MRTFB: variants seen among roughly 807,000 people sequenced by gnomAD.
MRTFB encodes myocardin related transcription factor B, also known as myocardin-related transcription factor B.
A neutral mutation model predicts 104.2 loss-of-function variants in MRTFB; 29 were observed. The ratio of observed to expected loss-of-function variants is 0.28; its 90% CI spans 0.21 to 0.38. The LOEUF is 0.38. Among genes scored for constraint, MRTFB ranks in the 10% least tolerant of loss-of-function variants. The pLI is 1.00. For missense variants in MRTFB, 1,270 were observed against 1,341.6 expected (o/e 0.95, Z 0.83); for synonymous variants, 535 against 519.5 (o/e 1.03, Z -0.41).
chr16:14,179,495 G>A (rs569874162), intron 3 of MRTFB, among the ~76,000 whole-genome samples: 25 of 152,078 alleles, frequency 1.6e-4, no homozygotes, highest in Non-Finnish European at 2.8e-4. Flanking sequence ...ATACATTTCC[G>A]TAAGGAGTTC....
intron 3 of MRTFB, among the ~76,000 whole-genome samples, chr16:14,155,375 TTATAG>T (rs2038791510): frequency 6.6e-6 from 1 of 152,230 alleles, no homozygotes; most frequent in African/African-American, 2.4e-5. Flanking sequence ...TTGTATATAG[TTATAG>T]TAGCTGTTAA....
In MRTFB at chr16:14,262,222, C is replaced by T. The variant is rs1347210796; in HGVS notation, c.*778C>T. On this transcript the variant is annotated 3_prime_UTR_variant, in exon 17 of 17. Coordinates refer to ENST00000571589, the MANE Select transcript of MRTFB (RefSeq NM_001308142.2). ...GATTGATTTTAATGTATATATTAGA[C>T]ATTTGTATGTATGCTCTGACATTGT... is the stretch of plus-strand genomic sequence containing the variant. The T allele has an allele frequency of 1.3e-5, 2 of 152,148 alleles. No homozygotes were observed. Among genetic ancestry groups the T allele is most frequent in the Non-Finnish European group, 2.9e-5 (2 of 68,042 alleles). The allele number at this position is 152,148 out of a possible 1,614,324, so 9.4% of individuals were successfully genotyped here.
the MRTFB span, among the ~76,000 whole-genome samples, chr16:13,998,915 G>A: frequency 0.29 from 32,739 of 113,554 alleles, 5,802 homozygotes; most frequent in South Asian, 0.47. Context: ...AAAAAAGGCC[G>A]GTCATGGGGG....
intron 3 of MRTFB, chr16:14,200,231 A>G: frequency 7.7e-7 from 1 of 1,300,536 alleles, no homozygotes; most frequent in Non-Finnish European, 1.1e-6. Flanking sequence ...TAGCTTAAGT[A>G]TATGAATAAT....
At chr16:14,082,580 C>T (rs1477809189) in intron 2 of MRTFB, among the ~76,000 whole-genome samples, 2 of 151,980 alleles carry the variant, frequency 1.3e-5, no homozygotes, top group East Asian at 1.9e-4. Flanking sequence ...ACCAGAAGTT[C>T]GAGACCAGCT....
At chr16:14,199,377 T>G (rs2040581507) in intron 3 of MRTFB, among the ~76,000 whole-genome samples, 2 of 152,228 alleles carry the variant, frequency 1.3e-5, no homozygotes, top group South Asian at 4.1e-4. Context: ...CAAACTCCTG[T>G]GGCTTCAAAT....
At chr16:14,071,424 C>T (rs1310186918) in intron 1 of MRTFB, 59 bp downstream of exon 1, 2 of 151,394 alleles carry the variant, frequency 1.3e-5, no homozygotes, top group Non-Finnish European at 2.9e-5. Context: ...CGGCCGAGAC[C>T]GAGGGCTGGG....
chr16:14,201,742 C>T (rs2151114958), intron 3 of MRTFB, among the ~76,000 whole-genome samples: 1 of 152,248 alleles, frequency 6.6e-6, no homozygotes, highest in East Asian at 1.9e-4. Flanking sequence ...GCATTATTCT[C>T]ATGTCATAAT....
intron 3 of MRTFB, among the ~76,000 whole-genome samples, chr16:14,175,472 A>G (rs1433082225): frequency 6.6e-6 from 1 of 152,184 alleles, no homozygotes; most frequent in Admixed American, 6.5e-5. Context: ...ATTCTCCTAT[A>G]TGCATTTACT....
At chr16:14,219,539 A>G (rs2041591241) in intron 8 of MRTFB, among the ~76,000 whole-genome samples, 1 of 152,226 alleles carries the variant, frequency 6.6e-6, no homozygotes, top group African/African-American at 2.4e-5. Flanking sequence ...TCAGCAGAAA[A>G]TGTTCTTGAT....
intron 3 of MRTFB, among the ~76,000 whole-genome samples, chr16:14,208,504 C>T (rs1323184012): frequency 6.6e-6 from 1 of 152,140 alleles, no homozygotes; most frequent in Non-Finnish European, 1.5e-5. Flanking sequence ...AAAGATTTTC[C>T]TGCTAGAGAT....
chr16:14,076,916 G>T (rs926216787), intron 1 of MRTFB, among the ~76,000 whole-genome samples: 11 of 151,430 alleles, frequency 7.3e-5, no homozygotes, highest in African/African-American at 2.7e-4. Flanking sequence ...GTGCCTAAAG[G>T]CTATTTGTAT....
chr16:14,219,135 T>A, intron 8 of MRTFB, 137 bp downstream of exon 8: 3 of 825,192 alleles, frequency 3.6e-6, no homozygotes, highest in Non-Finnish European at 5.2e-6. Flanking sequence ...AGCAGGCACT[T>A]AACTGCCCTC....
chr16:14,054,136 G>A, the MRTFB span, among the ~76,000 whole-genome samples: 38 of 152,186 alleles, frequency 2.5e-4, no homozygotes, highest in Admixed American at 3.9e-4. Flanking sequence ...AGGGCTTTGC[G>A]CGTGCTGTTC....
intron 5 of MRTFB, among the ~76,000 whole-genome samples, chr16:14,213,056 TAC>T (rs1463635898): frequency 1.3e-5 from 2 of 152,254 alleles, no homozygotes; most frequent in Non-Finnish European, 2.9e-5. Context: ...AATGATTTCT[TAC>T]AGTCTTATAA....
the MRTFB span, among the ~76,000 whole-genome samples, chr16:14,000,208 T>G: frequency 2.6e-5 from 4 of 152,244 alleles, no homozygotes; most frequent in Admixed American, 2.6e-4. Context: ...TTCTCTGGCT[T>G]CACAGTTATC....
chr16:14,093,961 A>G lies in MRTFB; in HGVS notation c.-64+14607A>G, dbSNP rs551530348. ...AATATAGCTTTTTCTATTTTCTGAAATGATTCTATTTTTTAAGAAGTAGTC... is the reference window on the plus strand; with the variant it reads ...AATATAGCTTTTTCTATTTTCTGAAGTGATTCTATTTTTTAAGAAGTAGTC... On this transcript the variant is annotated intron_variant, in intron 2 of 16. Transcript: ENST00000571589. Among the ~76,000 whole-genome samples, 26 of 152,354 alleles carry G rather than the reference A, an allele frequency of 1.7e-4. No homozygotes were observed. The South Asian group carries it at 5.4e-3, about 32-fold the overall frequency.
chr16:14,189,113 G>A (rs969192735), intron 3 of MRTFB, among the ~76,000 whole-genome samples: 14 of 152,268 alleles, frequency 9.2e-5, no homozygotes, highest in African/African-American at 3.4e-4. Context: ...AATGTATGTA[G>A]ACATTAAGGA....
At chr16:14,037,252 G>A in the MRTFB span, among the ~76,000 whole-genome samples, 2 of 152,172 alleles carry the variant, frequency 1.3e-5, no homozygotes, top group African/African-American at 2.4e-5. Flanking sequence ...TTAATTGATC[G>A]ATGGTTCCTG....
Sources: gnomAD v4.1 joint callset for allele counts (sites outside exome capture counted in the v4.1 genomes callset) on GRCh38, gnomAD v4.1.1 for gene constraint, MANE v1.5 for transcripts, NCBI Gene and HGNC (gene_info 2026-07-23, HGNC 2026-07-21) for gene names.